The following DLG2 variants were observed in gnomAD, a reference collection of about 807,000 sequenced individuals.
DLG2 encodes the protein discs large MAGUK scaffold protein 2.
A neutral mutation model predicts 132.5 loss-of-function variants in DLG2; 45 were observed. The ratio of observed to expected loss-of-function variants is 0.34; its 90% CI spans 0.27 to 0.44. DLG2 has a LOEUF of 0.44. Among genes scored for constraint, DLG2 ranks in the 20% least tolerant of loss-of-function variants. DLG2 has a pLI of 1.00. For missense variants in DLG2, 1,045 were observed against 1,196.9 expected, an observed-to-expected ratio of 0.87 and a Z score of 1.87; for synonymous variants, 424 against 419.6, an observed-to-expected ratio of 1.01 and a Z score of -0.13.
At chr11:83,836,683 C>A (rs2056256237) in intron 16 of DLG2, among the ~76,000 whole-genome samples, 1 of 152,166 alleles carries the variant, frequency 6.6e-6, no homozygotes, top group South Asian at 2.1e-4. Context: ...AGGTAGATAT[C>A]ATGGGTCCCT....
intron 3 of DLG2, among the ~76,000 whole-genome samples, chr11:85,538,616 T>C (rs1238894870): frequency 6.6e-6 from 1 of 151,774 alleles, no homozygotes; most frequent in South Asian, 2.1e-4. Flanking sequence ...ATAAACTGGA[T>C]AAAGAAAATG....
At chr11:84,990,547 A>T (rs2056982272) in intron 6 of DLG2, among the ~76,000 whole-genome samples, 1 of 152,120 alleles carries the variant, frequency 6.6e-6, no homozygotes, top group African/African-American at 2.4e-5. Context: ...TACGAGAAAT[A>T]AATGTGTATT....
chr11:84,958,856 T>A (rs2052098544), intron 6 of DLG2, among the ~76,000 whole-genome samples: 1 of 152,212 alleles, frequency 6.6e-6, no homozygotes, highest in African/African-American at 2.4e-5. Context: ...AAAAGACATC[T>A]ATGTTCTCTA....
chr11:85,476,029 C>T (rs1031892450), intron 3 of DLG2, among the ~76,000 whole-genome samples: 9 of 152,068 alleles, frequency 5.9e-5, no homozygotes, highest in African/African-American at 1.9e-4. Context: ...AGAAACATAT[C>T]GTTGGGCAAT....
intron 19 of DLG2, among the ~76,000 whole-genome samples, chr11:83,554,448 A>G (rs867006580): frequency 2.0e-5 from 3 of 152,308 alleles, no homozygotes; most frequent in Middle Eastern, 6.8e-3. Context: ...GTTTGAATTC[A>G]TTGAGGTAAC....
At chr11:85,223,998 G>C (rs1044804586) in intron 4 of DLG2, among the ~76,000 whole-genome samples, 2 of 152,058 alleles carry the variant, frequency 1.3e-5, no homozygotes, top group Admixed American at 6.6e-5. Context: ...AGGTGACCTT[G>C]GTAAATTATA....
At chr11:84,114,651 C>T (rs7106126) in intron 9 of DLG2, among the ~76,000 whole-genome samples, 13,587 of 152,176 alleles carry the variant, frequency 0.089, 792 homozygotes, top group African/African-American at 0.17. Context: ...TAAAAGCATG[C>T]ACCCAGGTTT....
chr11:83,597,536 A>G (rs1369095625), intron 19 of DLG2, among the ~76,000 whole-genome samples: 1 of 152,110 alleles, frequency 6.6e-6, no homozygotes, highest in African/African-American at 2.4e-5. Flanking sequence ...TTAAATAAAT[A>G]AATAAACAAA....
chr11:84,568,833 A>T (rs535729009), intron 6 of DLG2, among the ~76,000 whole-genome samples: 1 of 152,308 alleles, frequency 6.6e-6, no homozygotes, highest in African/African-American at 2.4e-5. Context: ...TCAAATAGCT[A>T]CTCAACTCAG....
At position 85,611,042 on chromosome 11, in the gene DLG2, A is replaced by C. The variant is rs909897752; in HGVS notation, c.-92-12254T>G. Reference sequence around the variant, plus strand: ...GGGCCCTAGTACAACTCCAGCTTTAAGCCTTCCCACAGGACAAAACTTATC... The same window carrying C: ...GGGCCCTAGTACAACTCCAGCTTTACGCCTTCCCACAGGACAAAACTTATC... On this transcript the variant is annotated intron_variant, in intron 2 of 27. Transcript: ENST00000376104. 2.0e-5 allele frequency among the ~76,000 whole-genome samples: 3 copies of C among 152,348 alleles called. No homozygotes were observed. In the South Asian group the frequency reaches 6.2e-4, roughly 32 times the overall value.
intron 18 of DLG2, among the ~76,000 whole-genome samples, chr11:83,725,738 C>T (rs563824555): frequency 3.3e-5 from 5 of 152,190 alleles, no homozygotes; most frequent in Admixed American, 6.5e-5. Context: ...TTTCCAGGTA[C>T]GCTTAAGGAC....
rs141159132 is a variant in DLG2, at chr11:84,333,764, A to C, written c.520-82473T>G. Among the ~76,000 whole-genome samples the C allele has an allele frequency of 8.4e-3, 1,284 of 152,330 alleles. 18 individuals are homozygous for C. Among genetic ancestry groups the C allele is most frequent in the African/African-American group, 0.03 (1,228 of 41,562 alleles). ...TCAGTTCTATGACTCCAAAGTGTTC[A>C]GATCTCCTTTAATCCTAGTATCACT... On this transcript the variant is annotated intron_variant, in intron 7 of 27. Transcript: ENST00000376104.
intron 17 of DLG2, among the ~76,000 whole-genome samples, chr11:83,826,928 C>T (rs182318485): frequency 1.3e-5 from 2 of 152,024 alleles, no homozygotes; most frequent in African/African-American, 2.4e-5. Context: ...GAGACTTGTC[C>T]CTAACACTGC....
chr11:84,344,105 A>G (rs2098528304), intron 7 of DLG2, among the ~76,000 whole-genome samples: 2 of 152,312 alleles, frequency 1.3e-5, no homozygotes, highest in South Asian at 4.1e-4. Flanking sequence ...AGAAGAATGA[A>G]GAAATAAAGA....
At chr11:84,158,619 G>A in intron 9 of DLG2, among the ~76,000 whole-genome samples, 1 of 152,140 alleles carries the variant, frequency 6.6e-6, no homozygotes, top group East Asian at 1.9e-4. Flanking sequence ...TACCTCATAG[G>A]AGTGTTACTA....
chr11:84,044,627 T>C (rs1363364086), intron 11 of DLG2, among the ~76,000 whole-genome samples: 1 of 151,790 alleles, frequency 6.6e-6, no homozygotes, highest in East Asian at 1.9e-4. Context: ...TTAAATGTCC[T>C]ACACCAAGTT....
intron 19 of DLG2, among the ~76,000 whole-genome samples, chr11:83,553,864 T>A (rs1318784184): frequency 6.6e-6 from 1 of 151,828 alleles, no homozygotes; most frequent in Non-Finnish European, 1.5e-5. Context: ...ATTATTAGTA[T>A]TTTATTCCAA....
At chr11:84,766,298 G>A (rs1162210356) in intron 6 of DLG2, among the ~76,000 whole-genome samples, 2 of 152,008 alleles carry the variant, frequency 1.3e-5, no homozygotes, top group East Asian at 3.9e-4. Context: ...TCTATGTGGA[G>A]TAGATGAGGT....
chr11:85,166,420 T>C lies in DLG2; in HGVS notation c.187-11769A>G, dbSNP rs1214810541. The stretch of plus-strand genomic sequence containing the variant: ...CTGTTCTATCTAAATGCAATCATTT[T>C]TTTTTCAGAACCCAATTTGGCTACC... On this transcript the variant is annotated intron_variant, in intron 4 of 27. Transcript: ENST00000376104. Among the ~76,000 whole-genome samples, 3 of 152,162 alleles carry C rather than the reference T, an allele frequency of 2.0e-5. No individual in the cohort carries two copies. The East Asian group carries it at 5.8e-4, about 29-fold the overall frequency.
Sources: gnomAD v4.1 joint callset for allele counts (sites outside exome capture counted in the v4.1 genomes callset) on GRCh38, gnomAD v4.1.1 for gene constraint, MANE v1.5 for transcripts, NCBI Gene and HGNC (gene_info 2026-07-23, HGNC 2026-07-21) for gene names.